Variants in SLC22A17 observed in about 807,000 individuals in gnomAD.
SLC22A17 encodes solute carrier family 22 member 17, also known as 24p3 receptor.
A neutral mutation model predicts 53.6 loss-of-function variants in SLC22A17; 38 were observed. The observed-to-expected ratio is 0.71, with a 90% CI of 0.55 to 0.93. SLC22A17 has a LOEUF of 0.93. Ranked by LOEUF, SLC22A17 falls within the 40% of genes least tolerant of loss-of-function variation. The pLI, the probability that SLC22A17 is intolerant of heterozygous loss-of-function variation, is 0.00. For missense variants in SLC22A17, 704 were observed against 791.0 expected (o/e 0.89, Z 1.32); for synonymous variants, 379 against 353.0 (o/e 1.07, Z -0.82).
exon 3 of SLC22A17, chr14:23,351,775 C>T: frequency 6.2e-7 from 1 of 1,613,714 alleles, no homozygotes; most frequent in South Asian, 1.1e-5. Flanking sequence ...AACCCAGGAA[C>T]AGGTAGCCGG....
Position 23,347,297 on chromosome 14 carries a change from T to C in SLC22A17, c.1550-85A>G. ...CGGGTGTCATCCCCTTGGCTCTCTG[T>C]TCCCATGGCTCTAGCTGGGCAGGCT... On this transcript the variant is annotated intron_variant, in intron 8 of 9. Transcript: ENST00000397267. This position sits in a 1 kb window ranked among gnomAD's most constrained non-coding sequence, Gnocchi z 5.1. 6.8e-7 allele frequency: 1 copy of C among 1,476,926 alleles called. No homozygotes were observed. The highest frequency in any genetic ancestry group is 9.2e-7 in the Non-Finnish European group (1 of 1,087,288). 91.5% of individuals were successfully genotyped at this position (1,476,926 alleles called of 1,614,324 possible). A position where few individuals can be genotyped will look rare whatever the true frequency, so the allele number is the denominator to read the frequency against.
chr14:23,347,551 G>A lies in SLC22A17; in HGVS notation c.1458C>T (p.Thr486=), dbSNP rs369056418. The change falls in exon 8 of 10, where the codon ACC becomes ACT. Residue 486 remains threonine, a synonymous_variant. Coordinates refer to ENST00000397267, the Ensembl canonical transcript of SLC22A17. The surrounding 1 kb of genome is among the most constrained non-coding windows in gnomAD (Gnocchi z 5.1). ...CCAGCAGGACCAGGGAAGCAATGCC[G>A]GTAAGGGTCATGGAGAGAAGAAGGA... 13 of 1,613,946 alleles carry A rather than the reference G, an allele frequency of 8.1e-6. No individual in the cohort carries two copies. The Middle Eastern group carries it at 4.9e-4, about 61-fold the overall frequency.
chr14:23,347,585 C>T lies in SLC22A17; in HGVS notation c.1424G>A (p.Arg475His), dbSNP rs372548000. 20 of 1,613,898 alleles carry T rather than the reference C, an allele frequency of 1.2e-5. No homozygotes were observed. Among genetic ancestry groups the T allele is most frequent in the Non-Finnish European group, 1.5e-5 (18 of 1,179,998 alleles). Residue 475 changes from arginine (R) to histidine (H), a missense_variant, in exon 8 of 10, where the codon CGC becomes CAC. Arg to His is a conservative substitution (Grantham distance 29). Transcript: ENST00000397267. This position sits in a 1 kb window ranked among gnomAD's most constrained non-coding sequence, Gnocchi z 5.1. ...CATGGAGAGAAGAAGGATGCCCCGG[C>T]GGCCAAATCGGTCCACGGTGACCCC...
chr14:23,349,538 G>A (rs1289859380), intron 3 of SLC22A17, 112 bp from the exon 4 acceptor site: 1 of 1,306,478 alleles, frequency 7.7e-7, no homozygotes, highest in Non-Finnish European at 1.0e-6. Flanking sequence ...GAAGTTCTGG[G>A]AGCAAGAGTT....
At chr14:23,346,410 C>T (rs1415344265) in exon 10 of SLC22A17, 1 of 492,484 alleles carries the variant, frequency 2.0e-6, no homozygotes, top group Admixed American at 3.7e-5. Context: ...AGGATGGAGC[C>T]CAGACCCAGT....
intron 4 of SLC22A17, 44 bp downstream of exon 4, chr14:23,349,228 G>C (rs752935192): frequency 2.1e-5 from 34 of 1,613,280 alleles, no homozygotes; most frequent in Non-Finnish European, 2.8e-5. Context: ...CAGGCAGGTA[G>C]GCATGAGACC....
chr14:23,347,925 T>C lies in SLC22A17; in HGVS notation c.1243A>G (p.Ile415Val), dbSNP rs751715747. 6.2e-7 allele frequency: 1 copy of C among 1,614,110 alleles called. No homozygotes were observed. Among genetic ancestry groups the C allele is most frequent in the South Asian group, 1.1e-5 (1 of 91,070 alleles). Reference sequence around the variant, plus strand: ...CCCAGGATAAGCAGATTTTTCCAGATGTTGCGGTAGTTGAGGAGGGAAGCA... The same window carrying C: ...CCCAGGATAAGCAGATTTTTCCAGACGTTGCGGTAGTTGAGGAGGGAAGCA... The change falls in exon 7 of 10, where the codon ATC (isoleucine) becomes GTC (valine). Residue 415 changes from isoleucine (I) to valine (V), a missense_variant. By Grantham distance (29) the Ile-to-Val change is conservative. Coordinates refer to ENST00000397267, the Ensembl canonical transcript of SLC22A17. The surrounding 1 kb of genome is among the most constrained non-coding windows in gnomAD (Gnocchi z 5.1).
chr14:23,352,318 G>C lies in SLC22A17; in HGVS notation c.230C>G (p.Pro77Arg). Residue 77 changes from proline (P) to arginine (R), a missense_variant, in exon 2 of 10, where the codon CCC becomes CGC. By Grantham distance (103) the Pro-to-Arg change is moderately radical. This residue lies in a region of SLC22A17 where 31 missense variants were observed against 62.3 expected (regional missense o/e 0.50). Coordinates refer to ENST00000397267, the Ensembl canonical transcript of SLC22A17. The surrounding 1 kb of genome is among the most constrained non-coding windows in gnomAD (Gnocchi z 7.2). ...GGCGAGCAGCGCCTCAAAGCTGAGG[G>C]GGCCTGGGGGCACGGCCAGCGACAG... 7.7e-7 allele frequency: 1 copy of C among 1,295,824 alleles called. No individual in the cohort carries two copies. Among genetic ancestry groups the C allele is most frequent in the South Asian group, 1.7e-5 (1 of 57,500 alleles). 80.3% of individuals were successfully genotyped at this position (1,295,824 alleles called of 1,614,324 possible). A position where few individuals can be genotyped will look rare whatever the true frequency, so the allele number is the denominator to read the frequency against.
At position 23,348,649 on chromosome 14, in the gene SLC22A17, G is replaced by T; in HGVS notation, c.882C>A (p.Thr294=). 3.7e-6 allele frequency: 6 copies of T among 1,612,994 alleles called. No individual in the cohort carries two copies. Among genetic ancestry groups the T allele is most frequent in the Non-Finnish European group, 5.1e-6 (6 of 1,179,468 alleles). ...CTGCCAGGGCCACCCGAAGCCTCTG[G>T]GTTGGGTCGCACAGCTCCAGGCCTG... Residue 294 remains threonine, a synonymous_variant, in exon 5 of 10, where the codon ACC becomes ACA. Coordinates refer to ENST00000397267, the Ensembl canonical transcript of SLC22A17. This position sits in a 1 kb window ranked among gnomAD's most constrained non-coding sequence, Gnocchi z 4.5.
At chr14:23,346,892 C>A in exon 10 of SLC22A17, 1 of 1,538,758 alleles carries the variant, frequency 6.5e-7, no homozygotes, top group African/African-American at 1.4e-5. Flanking sequence ...GCCGCTCAGT[C>A]CTCCAAGCGC....
Position 23,347,830 on chromosome 14 carries a change from C to T in SLC22A17, c.1277+61G>A. On this transcript the variant is annotated intron_variant, in intron 7 of 9. Transcript: ENST00000397267. This position sits in a 1 kb window ranked among gnomAD's most constrained non-coding sequence, Gnocchi z 5.1. ...CTCCGCAGGGGTCCCCGGGCCTTCCCACCCAGCCAGCCCCCATTCCAGCTA... is the reference window on the plus strand; with the variant it reads ...CTCCGCAGGGGTCCCCGGGCCTTCCTACCCAGCCAGCCCCCATTCCAGCTA... The T allele has an allele frequency of 6.2e-7, 1 of 1,612,208 alleles. No individual in the cohort carries two copies. Among genetic ancestry groups the T allele is most frequent in the African/African-American group, 1.3e-5 (1 of 74,996 alleles).
chr14:23,348,242 G>T lies in SLC22A17; in HGVS notation c.1090C>A (p.Gln364Lys). ...TCAGCCAGGATCCTCAGCACAGACT[G>T]AGCCTCCTCAATCTGCCGCTTCACT... Residue 364 changes from glutamine to lysine, a missense_variant, in exon 6 of 10, where the codon CAG becomes AAG. Transcript: ENST00000397267. The surrounding 1 kb of genome is among the most constrained non-coding windows in gnomAD (Gnocchi z 4.5). 1.9e-6 allele frequency: 3 copies of T among 1,614,134 alleles called. No individual in the cohort carries two copies. The highest frequency in any genetic ancestry group is 2.5e-6 in the Non-Finnish European group (3 of 1,180,016).
rs759857717 is a variant in SLC22A17, at chr14:23,347,517, C to T, written c.1492G>A (p.Asp498Asn). The change falls in exon 8 of 10, where the codon GAT becomes AAT. Residue 498 changes from aspartate to asparagine, a missense_variant. Physicochemically the swap from Asp to Asn is conservative, Grantham distance 23. Around this residue, in one of 4 missense-constraint regions of SLC22A17, gnomAD observed 435 missense variants for 529.0 expected, o/e 0.82. Transcript: ENST00000397267. The surrounding 1 kb of genome is among the most constrained non-coding windows in gnomAD (Gnocchi z 5.1). Reference sequence around the variant, plus strand: ...GTGGGGAAGATAGGATGCTCACAATCCCACAGGCCCAGCAGGACCAGGGAA... The same window carrying T: ...GTGGGGAAGATAGGATGCTCACAATTCCACAGGCCCAGCAGGACCAGGGAA... 3.1e-6 allele frequency: 5 copies of T among 1,614,088 alleles called. No individual in the cohort carries two copies. The highest frequency in any genetic ancestry group is 2.2e-5 in the South Asian group (2 of 91,086).
rs1028815488 is a variant in SLC22A17, at chr14:23,352,772, C to T, written c.-31G>A. The T allele has an allele frequency of 2.3e-5, 9 of 398,678 alleles. No individual in the cohort carries two copies. The highest frequency in any genetic ancestry group is 3.5e-5 in the Non-Finnish European group (8 of 225,900). The allele number at this position is 398,678 out of a possible 1,614,324, so 24.7% of individuals were successfully genotyped here. A position where few individuals can be genotyped will look rare whatever the true frequency, so the allele number is the denominator to read the frequency against. ...CGACCGCAGGGGCCCTGCCGGCCCG[C>T]GCCGAAAGGATGCGCTGTCCTCTGG... On this transcript the variant is annotated 5_prime_UTR_variant, in exon 1 of 10. Transcript: ENST00000397267. The surrounding 1 kb of genome is among the most constrained non-coding windows in gnomAD (Gnocchi z 7.2).
chr14:23,346,334 A>G, exon 10 of SLC22A17: 1 of 347,212 alleles, frequency 2.9e-6, no homozygotes, highest in Admixed American at 4.7e-5. Flanking sequence ...TTTATTCCAA[A>G]TGTCTTTATT....
chr14:23,349,244 G>A (rs749443977), intron 4 of SLC22A17, 28 bp downstream of exon 4: 6 of 1,613,848 alleles, frequency 3.7e-6, no homozygotes, highest in Admixed American at 1.7e-5. Context: ...AGACCCAAGG[G>A]AGGGAATTCT....
rs1889724424 is a variant in SLC22A17, at chr14:23,352,755, G to A, written c.-14C>T. 2.5e-6 allele frequency: 1 copy of A among 399,068 alleles called. No individual in the cohort carries two copies. The highest frequency in any genetic ancestry group is 4.4e-6 in the Non-Finnish European group (1 of 226,412). 24.7% of individuals were successfully genotyped at this position (399,068 alleles called of 1,614,324 possible). ...CCGGGGAGCCAGCTTGCCGACCGCA[G>A]GGGCCCTGCCGGCCCGCGCCGAAAG... On this transcript the variant is annotated 5_prime_UTR_variant, in exon 1 of 10. Coordinates refer to ENST00000397267, the Ensembl canonical transcript of SLC22A17. This position sits in a 1 kb window ranked among gnomAD's most constrained non-coding sequence, Gnocchi z 7.2.
In SLC22A17 at chr14:23,352,145, C is replaced by T; in HGVS notation, c.403G>A (p.Ala135Thr). ...TTGGGAGGCTGCTCCCAGCCAGAGG[C>T]ATTAGGGGGGAAGGCCCCGTAGTGG... Residue 135 changes from alanine (A) to threonine (T), a missense_variant, in exon 2 of 10, where the codon GCC becomes ACC. Ala to Thr is a moderately conservative substitution (Grantham distance 58). Around this residue, in one of 4 missense-constraint regions of SLC22A17, gnomAD observed 435 missense variants for 529.0 expected, o/e 0.82. Coordinates refer to ENST00000397267, the Ensembl canonical transcript of SLC22A17. The surrounding 1 kb of genome is among the most constrained non-coding windows in gnomAD (Gnocchi z 7.2). 7 of 1,568,958 alleles carry T rather than the reference C, an allele frequency of 4.5e-6. No homozygotes were observed. The highest frequency in any genetic ancestry group is 6.0e-6 in the Non-Finnish European group (7 of 1,160,304).
chr14:23,346,562 A>T (rs1889189827), exon 10 of SLC22A17: 1 of 1,408,148 alleles, frequency 7.1e-7, no homozygotes, highest in South Asian at 1.5e-5. Flanking sequence ...ACTTCTGGGC[A>T]GCCCTGCCTT....
Sources: allele counts gnomAD v4.1 joint callset, GRCh38; gene constraint gnomAD v4.1.1; regional missense constraint gnomAD v4.1.1; non-coding constraint Gnocchi (gnomAD v3.1); transcripts MANE v1.5; gene names NCBI Gene and HGNC (gene_info 2026-07-23, HGNC 2026-07-21).